MFN2: variants seen among roughly 807,000 people sequenced by gnomAD.
MFN2 encodes mitofusin 2, also known as mitofusin-2.
A neutral mutation model predicts 87.5 loss-of-function variants in MFN2; 43 were observed. That is an observed-to-expected ratio of 0.49 (90% confidence interval 0.38 to 0.63). The LOEUF (loss-of-function observed/expected upper bound fraction) is 0.63, where lower values mean the gene tolerates loss of function less well. Among genes scored for constraint, MFN2 ranks in the 30% least tolerant of loss-of-function variants. The pLI, the probability that MFN2 is intolerant of heterozygous loss-of-function variation, is 0.00. For missense variants in MFN2, 743 were observed against 972.8 expected, an observed-to-expected ratio of 0.76 and a Z score of 3.14; for synonymous variants, 337 against 359.9, an observed-to-expected ratio of 0.94 and a Z score of 0.72.
In MFN2 at chr1:12,004,661, G is replaced by A. The variant is rs961500279; in HGVS notation, c.1392+48G>A. 6.3e-7 allele frequency: 1 copy of A among 1,577,320 alleles called. No homozygotes were observed. On this transcript the variant is annotated intron_variant, in intron 13 of 18. Transcript: ENST00000235329. This position sits in a 1 kb window ranked among gnomAD's most constrained non-coding sequence, Gnocchi z 4.2. Reference sequence around the variant, plus strand: ...CTCTTGGCAGGAGGCCCCCAAAAGTGATTCAACCCCTGTTGGTCTGGGTCA... The same window carrying A: ...CTCTTGGCAGGAGGCCCCCAAAAGTAATTCAACCCCTGTTGGTCTGGGTCA...
chr1:12,000,569 G>A (rs769620131), intron 8 of MFN2, among the ~76,000 whole-genome samples: 6 of 152,192 alleles, frequency 3.9e-5, no homozygotes, highest in Non-Finnish European at 7.3e-5. Flanking sequence ...GTGTGATGGT[G>A]TGATAAATAG....
At chr1:11,984,392 A>G (rs1387248365) in intron 2 of MFN2, among the ~76,000 whole-genome samples, 1 of 152,152 alleles carries the variant, frequency 6.6e-6, no homozygotes, top group Non-Finnish European at 1.5e-5. Context: ...TCTTGCTGGT[A>G]GAGTTTGTTG....
chr1:12,007,293 A>G, intron 17 of MFN2, 44 bp downstream of exon 17: 2 of 1,597,244 alleles, frequency 1.3e-6, no homozygotes, highest in South Asian at 1.1e-5. Flanking sequence ...TCCTTTAGGC[A>G]GGGTCAGCCC....
intron 10 of MFN2, 36 bp downstream of exon 10, chr1:12,001,872 G>A: frequency 6.2e-7 from 1 of 1,613,882 alleles, no homozygotes; most frequent in Non-Finnish European, 8.5e-7. Flanking sequence ...GCGATTCTGT[G>A]CCTCCCCAGC....
chr1:12,002,166 C>T (rs1639208697), intron 11 of MFN2, 63 bp downstream of exon 11: 10 of 1,612,576 alleles, frequency 6.2e-6, no homozygotes, highest in South Asian at 5.5e-5. Context: ...TCCACCCCTG[C>T]CTTGGGCAGT....
intron 4 of MFN2, among the ~76,000 whole-genome samples, chr1:11,992,956 A>G (rs1457877159): frequency 7.8e-6 from 1 of 127,392 alleles, no homozygotes; most frequent in East Asian, 2.3e-4. Context: ...GGTGCATGCC[A>G]TCAAGCCTGA....
intron 5 of MFN2, 80 bp downstream of exon 5, chr1:11,996,398 C>G: frequency 1.9e-6 from 3 of 1,544,102 alleles, no homozygotes; most frequent in East Asian, 2.3e-5. Context: ...GACCTCACCT[C>G]TAGGGAGGGG....
At chr1:11,994,031 A>C (rs1638807115) in intron 4 of MFN2, among the ~76,000 whole-genome samples, 1 of 152,232 alleles carries the variant, frequency 6.6e-6, no homozygotes. Context: ...AAAGGTGTGC[A>C]CATTGAGATT....
chr1:11,983,966 T>C lies in MFN2; in HGVS notation c.-5+1852T>C, dbSNP rs925624979. Among the ~76,000 whole-genome samples the C allele has an allele frequency of 5.9e-5, 9 of 151,926 alleles. No individual in the cohort carries two copies. The East Asian group carries it at 7.7e-4, about 13-fold the overall frequency. ...ATAAATCAGGCAGAGTTTGGAGGGG[T>C]TGACAGTAGGTTTTACGCCAGGGGT... is the stretch of plus-strand genomic sequence containing the variant. On this transcript the variant is annotated intron_variant, in intron 2 of 18. Transcript: ENST00000235329.
intron 16 of MFN2, 101 bp from the exon 17 acceptor site, chr1:12,006,952 C>T: frequency 6.8e-7 from 1 of 1,460,102 alleles, no homozygotes; most frequent in Non-Finnish European, 9.6e-7. Flanking sequence ...AACATGAAGG[C>T]TCCTTGGCTG....
In MFN2 at chr1:11,996,308, G is replaced by T; in HGVS notation, c.464G>T (p.Arg155Met). 1 of 1,614,148 alleles carries T rather than the reference G, an allele frequency of 6.2e-7. No individual in the cohort carries two copies. Among genetic ancestry groups the T allele is most frequent in the Non-Finnish European group, 8.5e-7 (1 of 1,180,036 alleles). ...CTTACCGAGGGCTCAGAGGAAAAGA[G>T]GAGTGCCAAGGTGAGGGTGCCAGGC... ...FLLTEGSEEKRSAKTVNQLAH... is the reference protein window; with the variant it reads ...FLLTEGSEEKMSAKTVNQLAH... Residue 155 changes from arginine (R) to methionine (M), a missense_variant, in exon 5 of 19, where the codon AGG (arginine) becomes ATG (methionine). Transcript: ENST00000235329.
intron 8 of MFN2, 58 bp downstream of exon 8, chr1:11,999,153 A>G: frequency 2.2e-6 from 3 of 1,369,572 alleles, no homozygotes; most frequent in African/African-American, 1.4e-5. Flanking sequence ...ACTGCCTGCC[A>G]CTGGGGCCAC....
At chr1:11,981,596 C>T (rs985894197) in intron 1 of MFN2, among the ~76,000 whole-genome samples, 1 of 152,250 alleles carries the variant, frequency 6.6e-6, no homozygotes, top group Non-Finnish European at 1.5e-5. Context: ...AACACATTGG[C>T]TTTCAGTCAG....
intron 15 of MFN2, 109 bp from the exon 16 acceptor site, chr1:12,006,429 T>G: frequency 6.9e-7 from 1 of 1,456,158 alleles, no homozygotes; most frequent in Non-Finnish European, 9.5e-7. Context: ...TTTTGGAAAT[T>G]GAAGAGCCAC....
intron 17 of MFN2, 125 bp downstream of exon 17, chr1:12,007,374 G>C: frequency 8.2e-7 from 1 of 1,223,100 alleles, no homozygotes; most frequent in Non-Finnish European, 1.2e-6. Flanking sequence ...TAGACCCTGG[G>C]CCTTCAGGTG....
chr1:11,981,618 C>T (rs1376946924), intron 1 of MFN2, among the ~76,000 whole-genome samples: 1 of 152,236 alleles, frequency 6.6e-6, no homozygotes, highest in East Asian at 1.9e-4. Context: ...TCTTCTGTTC[C>T]TCAATAGTCA....
Position 12,006,595 on chromosome 1 carries a change from G to A in MFN2, c.1774G>A (p.Gly592Ser), listed in dbSNP as rs1639429191. The A allele has an allele frequency of 6.2e-7, 1 of 1,614,176 alleles. No homozygotes were observed. The change falls in exon 16 of 19, where the codon GGC (glycine) becomes AGC (serine). Residue 592 changes from glycine to serine, a missense_variant. Coordinates refer to ENST00000235329, the MANE Select transcript of MFN2 (RefSeq NM_014874.4). The part of the protein sequence containing the change: ...ANPSMPPLPQ[G>S]SLTQEEFMVS... ...CCCCAGCATGCCCCCACTGCCACAG[G>A]GCTCGCTCACCCAGGAGGAGTTCAT...
intron 2 of MFN2, among the ~76,000 whole-genome samples, chr1:11,986,293 G>C (rs1261758643): frequency 1.3e-5 from 2 of 152,166 alleles, no homozygotes; most frequent in African/African-American, 4.8e-5. Context: ...TGCTTGCTGG[G>C]GAGCAACACC....
intron 15 of MFN2, 139 bp from the exon 16 acceptor site, chr1:12,006,399 C>G: frequency 1.8e-6 from 2 of 1,124,182 alleles, no homozygotes; most frequent in Non-Finnish European, 2.6e-6. Context: ...ACATCTGAAG[C>G]TAGTTGTCCC....
Sources: gnomAD v4.1 joint callset for allele counts (sites outside exome capture counted in the v4.1 genomes callset) on GRCh38, gnomAD v4.1.1 for gene constraint, Gnocchi (gnomAD v3.1) non-coding constraint, MANE v1.5 for transcripts, NCBI Gene and HGNC (gene_info 2026-07-23, HGNC 2026-07-21) for gene names.